Variants in SAMMSON observed in about 807,000 individuals in gnomAD.
The protein encoded by SAMMSON is survival associated mitochondrial melanoma specific oncogenic non-coding RNA, also known as long intergenic non-protein coding RNA 1212.
intron 6 of SAMMSON, among the ~76,000 whole-genome samples, chr3:70,265,328 G>T (rs1021590234): frequency 4.6e-5 from 7 of 152,176 alleles, no homozygotes; most frequent in Non-Finnish European, 7.3e-5. Context: ...TCCCAAGTGT[G>T]ATATTCTTTT....
chr3:70,129,239 T>G (rs1027198428), intron 4 of SAMMSON, among the ~76,000 whole-genome samples: 1 of 152,300 alleles, frequency 6.6e-6, no homozygotes, highest in Non-Finnish European at 1.5e-5. Context: ...AATTTTCTGT[T>G]AAATAACGGA....
chr3:70,396,110 G>A (rs1701091041), intron 2 of SAMMSON, among the ~76,000 whole-genome samples: 1 of 152,056 alleles, frequency 6.6e-6, no homozygotes, highest in South Asian at 2.1e-4. Context: ...TGAGGATGAA[G>A]GTCTGGGCAC....
intron 6 of SAMMSON, among the ~76,000 whole-genome samples, chr3:70,286,634 G>A (rs1404272207): frequency 6.6e-6 from 1 of 151,876 alleles, no homozygotes; most frequent in Admixed American, 6.6e-5. Context: ...CATTGAATCT[G>A]TAAATTACCT....
intron 2 of SAMMSON, among the ~76,000 whole-genome samples, chr3:70,406,700 A>T (rs1269875835): frequency 6.6e-6 from 1 of 152,234 alleles, no homozygotes; most frequent in East Asian, 1.9e-4. Context: ...ATTAAAATAT[A>T]AAGCAAATAA....
At chr3:70,121,467 CA>C (rs58438733) in intron 4 of SAMMSON, among the ~76,000 whole-genome samples, 3 of 148,814 alleles carry the variant, frequency 2.0e-5, no homozygotes, top group South Asian at 2.1e-4. Flanking sequence ...CCAAGCAAGG[CA>C]AAAAAAAATA....
intron 6 of SAMMSON, among the ~76,000 whole-genome samples, chr3:70,250,249 C>A (rs1701748292): frequency 6.6e-6 from 1 of 152,282 alleles, no homozygotes. Flanking sequence ...GCTGCTGAAG[C>A]ACCAAATCTC....
At chr3:70,233,253 A>G (rs948397241) in intron 4 of SAMMSON, among the ~76,000 whole-genome samples, 7 of 152,122 alleles carry the variant, frequency 4.6e-5, no homozygotes, top group Non-Finnish European at 7.4e-5. Context: ...TGCTCTGCAA[A>G]AGATAAAAGC....
intron 7 of SAMMSON, among the ~76,000 whole-genome samples, chr3:70,294,806 C>T (rs1702274449): frequency 6.6e-6 from 1 of 152,072 alleles, no homozygotes; most frequent in South Asian, 2.1e-4. Flanking sequence ...AGTCTGGCTT[C>T]TCTTATAAGA....
intron 7 of SAMMSON, among the ~76,000 whole-genome samples, chr3:70,347,620 C>T (rs957946374): frequency 6.6e-6 from 1 of 152,084 alleles, no homozygotes; most frequent in African/African-American, 2.4e-5. Context: ...CTCGTGATAC[C>T]AAATATTGTT....
At chr3:70,035,932 A>T (rs2067083681) in intron 3 of SAMMSON, among the ~76,000 whole-genome samples, 1 of 152,234 alleles carries the variant, frequency 6.6e-6, no homozygotes, top group Admixed American at 6.5e-5. Flanking sequence ...ATACAGAATT[A>T]TAGTTAGAAA....
At chr3:70,154,002 G>A (rs1320742796) in intron 4 of SAMMSON, among the ~76,000 whole-genome samples, 2 of 151,540 alleles carry the variant, frequency 1.3e-5, no homozygotes, top group Non-Finnish European at 2.9e-5. Context: ...ATGTCTTGAA[G>A]TTTCATTTAT....
At chr3:70,291,203 G>C (rs2106693125) in exon 7 of SAMMSON, 1 of 152,258 alleles carries the variant, frequency 6.6e-6, no homozygotes, top group Non-Finnish European at 1.5e-5. Context: ...ACTGTCTGGG[G>C]TTTGAAATCA....
At chr3:70,171,612 C>G (rs961768160) in intron 4 of SAMMSON, among the ~76,000 whole-genome samples, 5 of 102,072 alleles carry the variant, frequency 4.9e-5, no homozygotes, top group Admixed American at 4.8e-4. Flanking sequence ...AAGGCACAGT[C>G]TTTGGGGGGG....
intron 4 of SAMMSON, among the ~76,000 whole-genome samples, chr3:70,178,026 A>G (rs1701021157): frequency 6.6e-6 from 1 of 152,176 alleles, no homozygotes; most frequent in Admixed American, 6.5e-5. Context: ...CCCTGCCCAT[A>G]TGCCGAGCGT....
intron 7 of SAMMSON, among the ~76,000 whole-genome samples, chr3:70,332,324 G>T (rs1398518903): frequency 6.6e-6 from 1 of 152,110 alleles, no homozygotes; most frequent in Non-Finnish European, 1.5e-5. Flanking sequence ...ATGTTGAAAG[G>T]ACTTCCCCGC....
At chr3:70,394,947 T>G (rs761755152) in intron 2 of SAMMSON, among the ~76,000 whole-genome samples, 1 of 152,236 alleles carries the variant, frequency 6.6e-6, no homozygotes, top group Non-Finnish European at 1.5e-5. Context: ...TGTCCATTAC[T>G]TTCTATTTTT....
In SAMMSON at chr3:70,001,970, T is replaced by C. The variant is rs967251101; in HGVS notation, n.22+2103T>C. ...TTGTTTTGCTTGCATAAGCCAGAATTAACTTCTGTTGCTTGTAAACAAAGA... is the reference window on the plus strand; with the variant it reads ...TTGTTTTGCTTGCATAAGCCAGAATCAACTTCTGTTGCTTGTAAACAAAGA... On this transcript the variant is annotated intron_variant and non_coding_transcript_variant, in intron 1 of 9. Transcript: ENST00000642114. Among the ~76,000 whole-genome samples the C allele has an allele frequency of 1.3e-4, 20 of 152,332 alleles. No individual in the cohort carries two copies. In the South Asian group the frequency reaches 1.9e-3, roughly 14 times the overall value.
At chr3:70,067,820 G>GCCTTAT (rs1376142703) in intron 3 of SAMMSON, among the ~76,000 whole-genome samples, 1 of 152,078 alleles carries the variant, frequency 6.6e-6, no homozygotes. Flanking sequence ...ATAACTCATT[G>GCCTTAT]AGGTAGGGTG....
intron 4 of SAMMSON, among the ~76,000 whole-genome samples, chr3:70,187,210 C>T (rs1292404595): frequency 6.6e-6 from 1 of 152,150 alleles, no homozygotes; most frequent in African/African-American, 2.4e-5. Flanking sequence ...ATCTTGCATA[C>T]ATTGAAGGTG....
Sources: gnomAD v4.1 joint callset for allele counts (sites outside exome capture counted in the v4.1 genomes callset) on GRCh38, gnomAD v4.1.1 for gene constraint, MANE v1.5 for transcripts, NCBI Gene and HGNC (gene_info 2026-07-23, HGNC 2026-07-21) for gene names.